GABRA4: variants seen among roughly 807,000 people sequenced by gnomAD.
The protein encoded by GABRA4 is gamma-aminobutyric acid type A receptor subunit alpha4, also known as gamma-aminobutyric acid receptor subunit alpha-4.
In GABRA4, 12 loss-of-function variants were observed where a neutral mutation model predicts 49.7. That is an observed-to-expected ratio of 0.24 (90% CI 0.15 to 0.39). GABRA4 has a LOEUF of 0.39. Among genes scored for constraint, GABRA4 ranks in the 10% least tolerant of loss-of-function variants. The pLI is 1.00. For missense variants in GABRA4, 506 were observed against 686.0 expected (o/e 0.74, Z 2.93); for synonymous variants, 288 against 240.2 (o/e 1.20, Z -1.84).
At chr4:46,951,728 T>TTA (rs548955051) in intron 8 of GABRA4, among the ~76,000 whole-genome samples, 217 of 151,202 alleles carry the variant, frequency 1.4e-3, no homozygotes, top group South Asian at 6.3e-3. Context: ...AGGAAATTTG[T>TTA]TATATATATA....
rs1235308780 is a variant in GABRA4, at chr4:46,923,154, T to C, written c.*5071A>G. Reference sequence around the variant, plus strand: ...ACTATTGTATAGAGACAAAAGGGATTTGACATAATTGGCATTTCTTAAAAA... The same window carrying C: ...ACTATTGTATAGAGACAAAAGGGATCTGACATAATTGGCATTTCTTAAAAA... On this transcript the variant is annotated 3_prime_UTR_variant, in exon 9 of 9. Transcript: ENST00000264318. 3.3e-5 allele frequency: 5 copies of C among 152,056 alleles called. No homozygotes were observed. The allele number at this position is 152,056 out of a possible 1,614,324, so 9.4% of individuals were successfully genotyped here.
At chr4:46,946,794 A>G (rs771129050) in intron 8 of GABRA4, among the ~76,000 whole-genome samples, 34 of 152,126 alleles carry the variant, frequency 2.2e-4, no homozygotes, top group Non-Finnish European at 4.0e-4. Context: ...TGGTGCATTG[A>G]AAGTTCCACA....
At chr4:46,966,774 G>T (rs1468345426) in intron 7 of GABRA4, among the ~76,000 whole-genome samples, 2 of 151,782 alleles carry the variant, frequency 1.3e-5, no homozygotes, top group Admixed American at 6.6e-5. Flanking sequence ...AAAGATCTGA[G>T]AATCCATACA....
intron 8 of GABRA4, among the ~76,000 whole-genome samples, chr4:46,929,226 A>G (rs969337704): frequency 6.6e-6 from 1 of 151,968 alleles, no homozygotes; most frequent in African/African-American, 2.4e-5. Context: ...AATAACAACT[A>G]TCCATACGTA....
chr4:46,943,980 A>T (rs1207162809), intron 8 of GABRA4, among the ~76,000 whole-genome samples: 1 of 151,916 alleles, frequency 6.6e-6, no homozygotes. Context: ...GGTGTGGGCC[A>T]GGGGGGAATG....
Position 46,980,296 on chromosome 4 carries a change from A to G in GABRA4, c.206-1198T>C, listed in dbSNP as rs561500090. On this transcript the variant is annotated intron_variant, in intron 2 of 8. Transcript: ENST00000264318. ...ATAGCCAGAGGCTAGATATTCCGTA[A>G]CTGGGAAGAATGACATCTGCTATGA... Among the ~76,000 whole-genome samples, 5 of 151,842 alleles carry G rather than the reference A, an allele frequency of 3.3e-5. No homozygotes were observed. In the East Asian group the frequency reaches 9.7e-4, roughly 30 times the overall value.
rs1028307063 is a variant in GABRA4 at position 46,927,700 on chromosome 4, C to T, written c.*525G>A. On this transcript the variant is annotated 3_prime_UTR_variant, in exon 9 of 9. Transcript: ENST00000264318. ...AGTTTTTTATGCAGCAGATATTTTA[C>T]TCTATTGATCAGTGTTTATACTATT... 6.6e-6 allele frequency: 1 copy of T among 152,330 alleles called. No individual in the cohort carries two copies. The highest frequency in any genetic ancestry group is 2.4e-5 in the African/African-American group (1 of 41,430). 9.4% of individuals were successfully genotyped at this position (152,330 alleles called of 1,614,324 possible). A position where few individuals can be genotyped will look rare whatever the true frequency, so the allele number is the denominator to read the frequency against.
chr4:46,930,663 T>G (rs1308165939), intron 8 of GABRA4, among the ~76,000 whole-genome samples: 1 of 151,638 alleles, frequency 6.6e-6, no homozygotes, highest in Non-Finnish European at 1.5e-5. Context: ...ATATGATAGT[T>G]GCATACCATC....
Position 46,923,807 on chromosome 4 carries a change from A to T in GABRA4, c.*4418T>A, listed in dbSNP as rs1721117248. 1 of 152,082 alleles carries T rather than the reference A, an allele frequency of 6.6e-6. No homozygotes were observed. The highest frequency in any genetic ancestry group is 1.5e-5 in the Non-Finnish European group (1 of 68,006). 9.4% of individuals were successfully genotyped at this position (152,082 alleles called of 1,614,324 possible). A position where few individuals can be genotyped will look rare whatever the true frequency, so the allele number is the denominator to read the frequency against. ...CCTGATCAAATTCCATTCCTTCAGT[A>T]ATTTACACAAAACTCTTCCTAATCC... On this transcript the variant is annotated 3_prime_UTR_variant, in exon 9 of 9. Transcript: ENST00000264318.
rs1877398 is a variant in GABRA4 at position 46,935,708 on chromosome 4, G to C, written c.1135-6953C>G. ...GGGGAGGGATAGCATTGGGAGAAAT[G>C]TCTAATGTAGATGACGGGTTGATGG... On this transcript the variant is annotated intron_variant, in intron 8 of 8. Coordinates refer to ENST00000264318, the MANE Select transcript of GABRA4 (RefSeq NM_000809.4). Among the ~76,000 whole-genome samples, 345 of 151,980 alleles carry C rather than the reference G, an allele frequency of 2.3e-3. 3 individuals carry two copies. The highest frequency in any genetic ancestry group is 8.1e-3 in the African/African-American group (335 of 41,430).
intron 8 of GABRA4, among the ~76,000 whole-genome samples, chr4:46,929,607 A>T (rs1431668256): frequency 6.6e-6 from 1 of 152,120 alleles, no homozygotes; most frequent in African/African-American, 2.4e-5. Context: ...TGACAGCCAC[A>T]ATAAATAACT....
intron 8 of GABRA4, among the ~76,000 whole-genome samples, chr4:46,959,667 T>C (rs1185323554): frequency 6.7e-6 from 1 of 148,504 alleles, no homozygotes; most frequent in Non-Finnish European, 1.5e-5. Flanking sequence ...CTTTGGAAAT[T>C]CAGCAGAATG....
At chr4:46,962,280 A>G (rs112519643) in intron 8 of GABRA4, among the ~76,000 whole-genome samples, 9 of 146,164 alleles carry the variant, frequency 6.2e-5, no homozygotes, top group African/African-American at 2.0e-4. Context: ...CAAAATTAAT[A>G]TACAAAAATC....
intron 8 of GABRA4, among the ~76,000 whole-genome samples, chr4:46,954,626 T>C (rs1229473915): frequency 5.3e-5 from 8 of 151,456 alleles, no homozygotes; most frequent in Non-Finnish European, 1.0e-4. Flanking sequence ...TTTGTACTAA[T>C]ACAGACATTT....
chr4:46,962,364 C>T (rs887814299), intron 8 of GABRA4, among the ~76,000 whole-genome samples: 5 of 151,866 alleles, frequency 3.3e-5, no homozygotes, highest in Non-Finnish European at 7.4e-5. Flanking sequence ...ACAATAGCCA[C>T]ATATAAAATT....
At chr4:46,990,070 C>A (rs1723688073) in intron 2 of GABRA4, among the ~76,000 whole-genome samples, 1 of 152,190 alleles carries the variant, frequency 6.6e-6, no homozygotes, top group African/African-American at 2.4e-5. Flanking sequence ...TGACCCACTT[C>A]TAAAAAGTGA....
chr4:46,965,627 A>G (rs1311139018), intron 7 of GABRA4, among the ~76,000 whole-genome samples: 3 of 151,726 alleles, frequency 2.0e-5, no homozygotes, highest in Non-Finnish European at 4.4e-5. Flanking sequence ...CACACCTCTC[A>G]GGAAGAGTAA....
intron 8 of GABRA4, among the ~76,000 whole-genome samples, chr4:46,931,856 C>G (rs966350224): frequency 6.6e-6 from 1 of 152,128 alleles, no homozygotes; most frequent in Non-Finnish European, 1.5e-5. Flanking sequence ...CAACAACTAG[C>G]TGACACTAGA....
rs2109925021 is a variant in GABRA4, at chr4:46,919,278, G to A, written c.*8947C>T. 1 of 151,578 alleles carries A rather than the reference G, an allele frequency of 6.6e-6. No homozygotes were observed. Among genetic ancestry groups the A allele is most frequent in the Admixed American group, 6.6e-5 (1 of 15,224 alleles). 9.4% of individuals were successfully genotyped at this position (151,578 alleles called of 1,614,324 possible). A position where few individuals can be genotyped will look rare whatever the true frequency, so the allele number is the denominator to read the frequency against. ...AAATAGTAAACCAATATTTGATAATGCTCCTTTTTTTCAAAATAAATTTGC... is the reference window on the plus strand; with the variant it reads ...AAATAGTAAACCAATATTTGATAATACTCCTTTTTTTCAAAATAAATTTGC... On this transcript the variant is annotated 3_prime_UTR_variant, in exon 9 of 9. Coordinates refer to ENST00000264318, the MANE Select transcript of GABRA4 (RefSeq NM_000809.4).
Sources: gnomAD v4.1 joint callset for allele counts (sites outside exome capture counted in the v4.1 genomes callset) on GRCh38, gnomAD v4.1.1 for gene constraint, MANE v1.5 for transcripts, NCBI Gene and HGNC (gene_info 2026-07-23, HGNC 2026-07-21) for gene names.